The following ZNF346 variants were observed in gnomAD, a reference collection of about 807,000 sequenced individuals.
ZNF346 encodes double-stranded RNA-binding zinc finger protein JAZ.
Under a neutral mutation model 33.7 loss-of-function variants are expected in ZNF346, and 23 were observed. The ratio of observed to expected loss-of-function variants is 0.68; its 90% CI spans 0.49 to 0.97. The LOEUF (loss-of-function observed/expected upper bound fraction) is 0.97, where lower values mean the gene tolerates loss of function less well. ZNF346 is among the 50% of genes least tolerant of loss of function. The probability of loss-of-function intolerance (pLI) is 0.00; values close to 1 mark genes in which losing one functional copy is unlikely to be tolerated. For missense variants in ZNF346, 340 were observed against 371.1 expected, an observed-to-expected ratio of 0.92 and a Z score of 0.69; for synonymous variants, 134 against 142.4, an observed-to-expected ratio of 0.94 and a Z score of 0.42.
At chr5:177,080,431 A>T (rs537896348) in exon 9 of ZNF346, 2 of 152,346 alleles carry the variant, frequency 1.3e-5, no homozygotes, top group African/African-American at 4.8e-5. Context: ...CTCACGGAAG[A>T]TGTATTATTC....
intron 6 of ZNF346, 101 bp from the exon 7 acceptor site, chr5:177,064,411 G>T: frequency 1.1e-6 from 1 of 908,142 alleles, no homozygotes. Context: ...AAGGTGTCCT[G>T]TCTATTACTC....
At chr5:177,053,310 T>TTCATC (rs1260843116) in intron 5 of ZNF346, among the ~76,000 whole-genome samples, 1 of 126,384 alleles carries the variant, frequency 7.9e-6, no homozygotes, top group African/African-American at 3.4e-5. Context: ...GCAGCAAGAC[T>TTCATC]TCATCTCAAA....
At chr5:177,031,998 C>CTTTTTTTTTTTTTTT (rs34021834) in intron 1 of ZNF346, among the ~76,000 whole-genome samples, 10 of 67,844 alleles carry the variant, frequency 1.5e-4, no homozygotes, top group Non-Finnish European at 3.0e-4. Flanking sequence ...TTTCTTTTTT[C>CTTTTTTTTTTTTTTT]TTTTTTTTTT....
At chr5:177,059,911 GAAA>G (rs1489766636) in intron 5 of ZNF346, among the ~76,000 whole-genome samples, 1 of 152,128 alleles carries the variant, frequency 6.6e-6, no homozygotes, top group Non-Finnish European at 1.5e-5. Context: ...ACAAACTTCA[GAAA>G]AAAAGACAAA....
downstream of ZNF346, among the ~76,000 whole-genome samples, chr5:177,072,572 G>A (rs184190798): frequency 2.6e-4 from 39 of 152,256 alleles, no homozygotes; most frequent in East Asian, 6.2e-3. Flanking sequence ...AGAGGAGGCC[G>A]GGCTCGGTGG....
downstream of ZNF346, among the ~76,000 whole-genome samples, chr5:177,071,391 A>T (rs1052346150): frequency 6.6e-6 from 1 of 151,536 alleles, no homozygotes; most frequent in African/African-American, 2.4e-5. Flanking sequence ...GAAAGAAAGA[A>T]AAAAGGGGCC....
intron 1 of ZNF346, among the ~76,000 whole-genome samples, chr5:177,028,039 A>ATTTT (rs1777060540): frequency 3.2e-5 from 2 of 62,984 alleles, no homozygotes; most frequent in African/African-American, 1.5e-4. Context: ...TCCTTGTGTC[A>ATTTT]CTTTTTTTTT....
chr5:177,076,537 A>G (rs1783752307), intron 8 of ZNF346, among the ~76,000 whole-genome samples: 1 of 152,156 alleles, frequency 6.6e-6, no homozygotes, highest in Non-Finnish European at 1.5e-5. Flanking sequence ...CTGTTGGGTC[A>G]GTTTGGACAG....
intron 1 of ZNF346, among the ~76,000 whole-genome samples, chr5:177,037,850 C>T (rs528981244): frequency 3.9e-4 from 59 of 152,274 alleles, no homozygotes; most frequent in African/African-American, 1.4e-3. Flanking sequence ...CATACTGTGG[C>T]TTATGGAGCC....
chr5:177,078,361 G>A lies in ZNF346; in HGVS notation c.*3-1021G>A, dbSNP rs138151427. On this transcript the variant is annotated intron_variant, in intron 8 of 8. Transcript: ENST00000503039. ...TCTACCTGGAGCTCACTGCAGCTGC[G>A]AAACAGCAGGTGTCTTGGGGGAGAC... 2.4e-3 allele frequency among the ~76,000 whole-genome samples: 372 copies of A among 152,318 alleles called. 2 individuals carry two copies. Among genetic ancestry groups the A allele is most frequent in the African/African-American group, 8.3e-3 (346 of 41,564 alleles).
rs754360762 is a variant in ZNF346, at chr5:177,077,524, CA to C, written c.*3-1857del. Reference sequence around the variant, plus strand: ...AGAAGCTCTCCCAAGCAACTCTAGGCATCCCTATTCACAGCTCAGCTTCTCA... The same window carrying C: ...AGAAGCTCTCCCAAGCAACTCTAGGCTCCCTATTCACAGCTCAGCTTCTCA... On this transcript the variant is annotated intron_variant, in intron 8 of 8. Transcript: ENST00000503039. The surrounding 1 kb of genome is among the most constrained non-coding windows in gnomAD (Gnocchi z 5.0). Among the ~76,000 whole-genome samples the C allele has an allele frequency of 6.6e-6, 1 of 152,214 alleles. No homozygotes were observed. The highest frequency in any genetic ancestry group is 1.5e-5 in the Non-Finnish European group (1 of 68,038).
rs577111264 is a variant in ZNF346, at chr5:177,059,675, C to G, written c.704-2383C>G. Among the ~76,000 whole-genome samples, 11 of 152,340 alleles carry G rather than the reference C, an allele frequency of 7.2e-5. No homozygotes were observed. In the South Asian group the frequency reaches 1.9e-3, roughly 26 times the overall value. On this transcript the variant is annotated intron_variant, in intron 5 of 6. Transcript: ENST00000358149. ...ATCTCCCACTCAGTAGAGCTGCTTT[C>G]TGAGCCCCATGCTGGTCCCCCAGTT...
At chr5:177,045,687 C>G (rs1396237091) in intron 4 of ZNF346, among the ~76,000 whole-genome samples, 1 of 151,902 alleles carries the variant, frequency 6.6e-6, no homozygotes, top group African/African-American at 2.4e-5. Flanking sequence ...GATGGCTTCT[C>G]ACTATATTGC....
intron 2 of ZNF346, 103 bp downstream of exon 2, chr5:177,041,332 C>T (rs1779311151): frequency 1.1e-6 from 1 of 893,560 alleles, no homozygotes; most frequent in Admixed American, 1.9e-5. Flanking sequence ...GCTTAGCCAC[C>T]CAGATGTTGC....
chr5:177,039,087 T>C (rs1011481871), intron 1 of ZNF346, among the ~76,000 whole-genome samples: 1 of 151,660 alleles, frequency 6.6e-6, no homozygotes, highest in African/African-American at 2.4e-5. Flanking sequence ...GATGGGGTTT[T>C]ACCATGTTGG....
chr5:177,028,707 CTTTTTTTTTTTT>C (rs56172509), intron 1 of ZNF346, among the ~76,000 whole-genome samples: 6 of 67,394 alleles, frequency 8.9e-5, no homozygotes, highest in African/African-American at 2.1e-4. Context: ...AAGCCCCTTT[CTTTTTTTTTTTT>C]TTTTTTTTTT....
downstream of ZNF346, among the ~76,000 whole-genome samples, chr5:177,068,058 CA>C (rs1199472128): frequency 6.9e-6 from 1 of 145,494 alleles, no homozygotes; most frequent in African/African-American, 2.8e-5. Flanking sequence ...GAGTAGAATC[CA>C]GTTCTCTAGA....
Position 177,041,151 on chromosome 5 carries a change from A to G in ZNF346, c.201A>G (p.Gln67=), listed in dbSNP as rs779146044. ...EEVEHMIQKN[Q]CLFTNTQCKV... ...TGGAGCACATGATCCAGAAGAACCA[A>G]TGTCTCTTCACCAACACCCAGTGTA... Residue 67 remains glutamine (Q), a synonymous_variant, in exon 2 of 7, where the codon CAA becomes CAG. Coordinates refer to ENST00000358149, the MANE Select transcript of ZNF346 (RefSeq NM_012279.4). 3 of 1,614,036 alleles carry G rather than the reference A, an allele frequency of 1.9e-6. No individual in the cohort carries two copies. Among genetic ancestry groups the G allele is most frequent in the East Asian group, 2.2e-5 (1 of 44,886 alleles).
chr5:177,055,034 GTTTTTT>G (rs1213847902), intron 5 of ZNF346, among the ~76,000 whole-genome samples: 1 of 137,358 alleles, frequency 7.3e-6, no homozygotes, highest in African/African-American at 2.7e-5. Flanking sequence ...AAATACGTAG[GTTTTTT>G]TTTTTTTTTT....
Sources: allele counts gnomAD v4.1 joint callset (sites outside exome capture counted in the v4.1 genomes callset), GRCh38; gene constraint gnomAD v4.1.1; non-coding constraint Gnocchi (gnomAD v3.1); transcripts MANE v1.5; gene names NCBI Gene and HGNC (gene_info 2026-07-23, HGNC 2026-07-21).